The following LRRC36 variants were observed in gnomAD, a reference collection of about 807,000 sequenced individuals.
The protein encoded by LRRC36 is leucine rich repeat containing 36.
In LRRC36, 62 loss-of-function variants were observed where a neutral mutation model predicts 81.1. That is an observed-to-expected ratio of 0.76 (90% confidence interval 0.62 to 0.94). The LOEUF is 0.94. Ranked by LOEUF, LRRC36 falls within the 40% of genes least tolerant of loss-of-function variation. The probability of loss-of-function intolerance (pLI) is 0.00; values close to 1 mark genes in which losing one functional copy is unlikely to be tolerated. For synonymous variants in LRRC36, 334 were observed against 348.6 expected (o/e 0.96, Z 0.47); for missense variants, 761 against 881.7 (o/e 0.86, Z 1.73).
chr16:67,357,692 A>G (rs1365480319), intron 5 of LRRC36, among the ~76,000 whole-genome samples: 4 of 152,170 alleles, frequency 2.6e-5, no homozygotes. Context: ...GATAGCTAAG[A>G]CAGACTCCGA....
intron 9 of LRRC36, among the ~76,000 whole-genome samples, chr16:67,373,707 CAAA>C (rs552146686): frequency 0.11 from 3,977 of 35,036 alleles, 154 homozygotes; most frequent in African/African-American, 0.28. Context: ...GACTCTGTCT[CAAA>C]AAAAAAAAAA....
chr16:67,342,104 A>G lies in LRRC36; in HGVS notation c.198+20A>G. 1.3e-6 allele frequency: 2 copies of G among 1,543,476 alleles called. No individual in the cohort carries two copies. The highest frequency in any genetic ancestry group is 1.8e-6 in the Non-Finnish European group (2 of 1,136,646). On this transcript the variant is annotated intron_variant, in intron 2 of 13. Transcript: ENST00000329956. ...CTTAAGGTAAGTTATATATTCTATG[A>G]CCAGCCAGGTCTGCCCAATTTATTT...
chr16:67,346,801 G>A (rs1242416908), intron 3 of LRRC36, among the ~76,000 whole-genome samples: 3 of 152,134 alleles, frequency 2.0e-5, no homozygotes, highest in Non-Finnish European at 4.4e-5. Context: ...TGGGGGCTTA[G>A]TTGGGGGCTT....
intron 3 of LRRC36, chr16:67,347,292 T>C (rs1597448204): frequency 1.2e-6 from 1 of 863,322 alleles, no homozygotes; most frequent in Non-Finnish European, 1.7e-6. Flanking sequence ...TGTGAGGCAG[T>C]GGTCGCTATG....
In LRRC36 at chr16:67,346,421, T is replaced by C. The variant is rs762434553; in HGVS notation, c.364T>C (p.Tyr122His). The C allele has an allele frequency of 2.2e-5, 36 of 1,602,020 alleles. No homozygotes were observed. The highest frequency in any genetic ancestry group is 3.0e-5 in the Non-Finnish European group (35 of 1,172,774). Residue 122 changes from tyrosine to histidine, a missense_variant, in exon 3 of 14, where the codon TAT becomes CAT. Physicochemically the swap from Tyr to His is moderately conservative, Grantham distance 83 (BLOSUM62 2). Coordinates refer to ENST00000329956, the MANE Select transcript of LRRC36 (RefSeq NM_018296.6). Reference protein sequence around the residue: ...KDTDYRLFAVYTLQTLEKLDD... With the variant: ...KDTDYRLFAVHTLQTLEKLDD... ...TACAGATTATAGGCTCTTTGCTGTA[T>C]ATACACTACAAACTCTGGAGAAATT...
Position 67,367,012 on chromosome 16 carries a change from T to C in LRRC36, c.755-5T>C. ...GTTTTGTTTTTTTGCCTTGGTGGTG[T>C]TTAGAGTTCAGACACTACTCGCCTC... On this transcript the variant is annotated splice_polypyrimidine_tract_variant and splice_region_variant and intron_variant, in intron 7 of 13. Transcript: ENST00000329956. 2 of 1,585,534 alleles carry C rather than the reference T, an allele frequency of 1.3e-6. No homozygotes were observed. The highest frequency in any genetic ancestry group is 1.7e-6 in the Non-Finnish European group (2 of 1,167,516).
intron 5 of LRRC36, 61 bp downstream of exon 5, chr16:67,350,351 C>T: frequency 2.3e-6 from 3 of 1,312,430 alleles, no homozygotes; most frequent in Non-Finnish European, 1.1e-6. Flanking sequence ...GCTGCCATAG[C>T]CAATATTGGG....
chr16:67,378,757 T>A (rs1220592336), intron 12 of LRRC36, 45 bp downstream of exon 12: 1 of 1,601,838 alleles, frequency 6.2e-7, no homozygotes. Context: ...TCAAGACAAC[T>A]GTTTGTTTAT....
rs2039833372 is a variant in LRRC36 at position 67,375,151 on chromosome 16, GTC to G, written c.1495-93_1495-92del. ...CCAAAAAAAAATTAAAAAAAAAAAA[GTC>G]TCAATGTCTAAATTCTTACTTCCTT... On this transcript the variant is annotated intron_variant, in intron 9 of 13. Transcript: ENST00000329956. 6 of 1,318,644 alleles carry G rather than the reference GTC, an allele frequency of 4.6e-6. No homozygotes were observed. The African/African-American group carries it at 9.0e-5, about 20-fold the overall frequency. The allele number at this position is 1,318,644 out of a possible 1,614,324, so 81.7% of individuals were successfully genotyped here. A position where few individuals can be genotyped will look rare whatever the true frequency, so the allele number is the denominator to read the frequency against.
chr16:67,328,897 A>G (rs1201299626), intron 1 of LRRC36, among the ~76,000 whole-genome samples: 1 of 151,628 alleles, frequency 6.6e-6, no homozygotes, highest in East Asian at 1.9e-4. Flanking sequence ...TTTCAGTAGT[A>G]TTTTATTTAT....
intron 4 of LRRC36, among the ~76,000 whole-genome samples, chr16:67,349,421 T>C (rs1216004599): frequency 1.3e-5 from 2 of 152,282 alleles, no homozygotes; most frequent in East Asian, 3.9e-4. Flanking sequence ...AAGCATCTGA[T>C]ACATACAGCC....
intron 13 of LRRC36, among the ~76,000 whole-genome samples, chr16:67,383,155 A>G (rs2040177933): frequency 6.6e-6 from 1 of 151,720 alleles, no homozygotes; most frequent in African/African-American, 2.4e-5. Context: ...GACTATGGCT[A>G]CATTTAGAGA....
intron 2 of LRRC36, among the ~76,000 whole-genome samples, chr16:67,344,687 C>G (rs535370704): frequency 1.2e-4 from 18 of 152,198 alleles, no homozygotes; most frequent in Non-Finnish European, 1.6e-4. Flanking sequence ...GCCAAGGGCA[C>G]TGATAGCTAT....
chr16:67,361,228 C>T (rs147611615), intron 5 of LRRC36, among the ~76,000 whole-genome samples: 5 of 152,170 alleles, frequency 3.3e-5, no homozygotes, highest in African/African-American at 1.2e-4. Flanking sequence ...ATGGGGGTCT[C>T]ACTATGTTGC....
intron 1 of LRRC36, among the ~76,000 whole-genome samples, chr16:67,328,176 G>A (rs912348476): frequency 6.6e-6 from 1 of 152,116 alleles, no homozygotes; most frequent in African/African-American, 2.4e-5. Context: ...CATTTTGACT[G>A]TTAAAATAAT....
chr16:67,373,055 T>G (rs1025053322), intron 9 of LRRC36, among the ~76,000 whole-genome samples: 2 of 152,200 alleles, frequency 1.3e-5, no homozygotes, highest in African/African-American at 4.8e-5. Context: ...CTATTTCATG[T>G]TATATTGTTA....
At position 67,365,466 on chromosome 16, in the gene LRRC36, C is replaced by T. The variant is rs1366334115; in HGVS notation, c.754+111C>T. 5.7e-6 allele frequency: 5 copies of T among 870,602 alleles called. No individual in the cohort carries two copies. In the East Asian group the frequency reaches 1.3e-4, roughly 23 times the overall value. 53.9% of individuals were successfully genotyped at this position (870,602 alleles called of 1,614,324 possible). A position where few individuals can be genotyped will look rare whatever the true frequency, so the allele number is the denominator to read the frequency against. On this transcript the variant is annotated intron_variant, in intron 7 of 13. Transcript: ENST00000329956. ...CAATATGGGGGCCCTATTTAGTCAA[C>T]TAATTTCTGCTTTTGTGAGGGACTG...
intron 5 of LRRC36, among the ~76,000 whole-genome samples, chr16:67,351,345 A>G (rs185547503): frequency 6.6e-6 from 1 of 152,328 alleles, no homozygotes; most frequent in East Asian, 1.9e-4. Flanking sequence ...TTCGGTTTAT[A>G]ACATGTATTT....
At chr16:67,344,682 G>C (rs2038259059) in intron 2 of LRRC36, among the ~76,000 whole-genome samples, 1 of 152,070 alleles carries the variant, frequency 6.6e-6, no homozygotes, top group Non-Finnish European at 1.5e-5. Context: ...GTGAGGCCAA[G>C]GGCACTGATA....
Sources: gnomAD v4.1 joint callset for allele counts (sites outside exome capture counted in the v4.1 genomes callset) on GRCh38, gnomAD v4.1.1 for gene constraint, MANE v1.5 for transcripts, NCBI Gene and HGNC (gene_info 2026-07-23, HGNC 2026-07-21) for gene names.